Variants in RBFOX1 observed in about 807,000 individuals in gnomAD.
RBFOX1 encodes RNA binding protein fox-1 homolog 1.
A neutral mutation model predicts 57.7 loss-of-function variants in RBFOX1; 8 were observed. The observed-to-expected ratio is 0.14, with a 90% CI of 0.08 to 0.25. The LOEUF is 0.25. RBFOX1 is among the 10% of genes least tolerant of loss of function. RBFOX1 has a pLI of 1.00. For synonymous variants in RBFOX1, 326 were observed against 222.4 expected (o/e 1.47, Z -4.15); for missense variants, 611 against 548.5 (o/e 1.11, Z -1.14).
intron 1 of RBFOX1, among the ~76,000 whole-genome samples, chr16:6,201,068 G>C (rs1477261891): frequency 6.6e-6 from 1 of 151,742 alleles, no homozygotes; most frequent in African/African-American, 2.4e-5. Flanking sequence ...TTGTCTTTCT[G>C]TGTCTGGCTT....
intron 3 of RBFOX1, among the ~76,000 whole-genome samples, chr16:5,785,438 G>A (rs1211298680): frequency 1.3e-5 from 2 of 152,144 alleles, no homozygotes; most frequent in East Asian, 3.9e-4. Context: ...CATCCTTGAC[G>A]ATCCTTCCAT....
chr16:6,573,003 G>C (rs1179502272), intron 2 of RBFOX1, among the ~76,000 whole-genome samples: 1 of 152,038 alleles, frequency 6.6e-6, no homozygotes, highest in African/African-American at 2.4e-5. Flanking sequence ...GTCTAGTCAG[G>C]GATCACTCTA....
chr16:7,273,448 G>C (rs949254344), intron 4 of RBFOX1, among the ~76,000 whole-genome samples: 2 of 152,006 alleles, frequency 1.3e-5, no homozygotes, highest in African/African-American at 2.4e-5. Flanking sequence ...TTTCATTTTA[G>C]ATTCTCTCTG....
intron 3 of RBFOX1, among the ~76,000 whole-genome samples, chr16:6,726,814 G>C (rs2067294092): frequency 6.6e-6 from 1 of 151,854 alleles, no homozygotes; most frequent in African/African-American, 2.4e-5. Context: ...TAATATATCT[G>C]GCTAGTTTTA....
intron 4 of RBFOX1, among the ~76,000 whole-genome samples, chr16:7,272,210 G>C (rs1004979784): frequency 6.6e-6 from 1 of 152,092 alleles, no homozygotes; most frequent in Non-Finnish European, 1.5e-5. Context: ...TTGAGAAAGA[G>C]TCTCGCTCTG....
intron 3 of RBFOX1, among the ~76,000 whole-genome samples, chr16:6,893,817 A>G (rs1300280093): frequency 6.6e-6 from 1 of 152,202 alleles, no homozygotes; most frequent in South Asian, 2.1e-4. Flanking sequence ...ATAATCACTA[A>G]TAAAAATATG....
At chr16:7,525,004 C>A (rs1246085342) in intron 5 of RBFOX1, among the ~76,000 whole-genome samples, 2 of 152,140 alleles carry the variant, frequency 1.3e-5, no homozygotes, top group Non-Finnish European at 1.5e-5. Flanking sequence ...TGTCCTAATA[C>A]CCACAACCCA....
chr16:7,545,135 C>T (rs1284010705), intron 5 of RBFOX1, among the ~76,000 whole-genome samples: 2 of 152,282 alleles, frequency 1.3e-5, no homozygotes, highest in East Asian at 3.9e-4. Context: ...GGTCCCTCTG[C>T]CTTGCTGAGC....
chr16:5,363,851 G>A (rs1477270751), intron 1 of RBFOX1, among the ~76,000 whole-genome samples: 1 of 152,190 alleles, frequency 6.6e-6, no homozygotes, highest in African/African-American at 2.4e-5. Flanking sequence ...GTGCATGGCT[G>A]TTCCTGTCTA....
chr16:6,574,338 C>T (rs529712321), intron 2 of RBFOX1, among the ~76,000 whole-genome samples: 9 of 151,834 alleles, frequency 5.9e-5, no homozygotes, highest in Non-Finnish European at 1.3e-4. Flanking sequence ...GAGTTCTCTG[C>T]CTGTGCGTCA....
At chr16:6,140,044 C>G (rs188727642) in intron 1 of RBFOX1, among the ~76,000 whole-genome samples, 3 of 152,258 alleles carry the variant, frequency 2.0e-5, no homozygotes, top group African/African-American at 7.2e-5. Context: ...CTTCTCCCCA[C>G]GTTTTCCCTT....
intron 1 of RBFOX1, among the ~76,000 whole-genome samples, chr16:5,352,389 A>T (rs759184290): frequency 1.8e-4 from 27 of 152,130 alleles, no homozygotes; most frequent in Admixed American, 7.2e-4. Flanking sequence ...AATAATTTCA[A>T]ACCTGCAGAA....
chr16:5,795,504 T>C (rs957489422), intron 3 of RBFOX1, among the ~76,000 whole-genome samples: 1 of 152,062 alleles, frequency 6.6e-6, no homozygotes, highest in Admixed American at 6.5e-5. Context: ...GGTATTGCTA[T>C]GGTTGTGAAT....
chr16:5,776,636 A>C (rs2151692448), intron 3 of RBFOX1, among the ~76,000 whole-genome samples: 1 of 152,386 alleles, frequency 6.6e-6, no homozygotes. Context: ...TTCATCATAA[A>C]GCAATGGTGT....
rs1444471753 is a variant in RBFOX1, at chr16:5,315,362, T to A, written c.219+75257T>A. On this transcript the variant is annotated intron_variant, in intron 1 of 2. Coordinates refer to the RBFOX1 transcript ENST00000585867. ...GGCCACGTAATCACCGGTGATTAAA[T>A]GGAGACAGGGATGTGCTTAGAATTC... 2.0e-5 allele frequency among the ~76,000 whole-genome samples: 3 copies of A among 152,212 alleles called. No individual in the cohort carries two copies. In the South Asian group the frequency reaches 6.2e-4, roughly 31 times the overall value.
intron 2 of RBFOX1, among the ~76,000 whole-genome samples, chr16:6,324,342 G>C (rs942993145): frequency 7.2e-5 from 11 of 152,162 alleles, no homozygotes; most frequent in African/African-American, 1.9e-4. Context: ...TTGCTATAAA[G>C]AGATACCTGA....
In RBFOX1 at chr16:5,461,498, A is replaced by G. The variant is rs191274613; in HGVS notation, c.220-5718A>G. Among the ~76,000 whole-genome samples the G allele has an allele frequency of 1.4e-3, 211 of 152,246 alleles. 2 individuals are homozygous for G. The highest frequency in any genetic ancestry group is 4.8e-3 in the African/African-American group (201 of 41,548). The stretch of plus-strand genomic sequence containing the variant: ...ACTTTGGGCCCTGCAGCTGCAACCA[A>G]CCAGGCTCTGATGAAAGTTTCATGC... On this transcript the variant is annotated intron_variant, in intron 1 of 2. Transcript: ENST00000585867.
At position 5,456,106 on chromosome 16, in the gene RBFOX1, A is replaced by AT. The variant is rs201155466; in HGVS notation, c.220-11103dup. 1.6e-3 allele frequency among the ~76,000 whole-genome samples: 249 copies of AT among 152,076 alleles called. 1 individual carries two copies. The highest frequency in any genetic ancestry group is 2.1e-3 in the South Asian group (10 of 4,802). On this transcript the variant is annotated intron_variant, in intron 1 of 2. Transcript: ENST00000585867. ...TAATGATAATATTATGGCATATATC[A>AT]TTTTTTTAAAAAAAAAACGTGCTTA...
chr16:7,170,130 A>G (rs1291454908), intron 4 of RBFOX1, among the ~76,000 whole-genome samples: 1 of 152,194 alleles, frequency 6.6e-6, no homozygotes, highest in Non-Finnish European at 1.5e-5. Flanking sequence ...TAATTAATAT[A>G]TCTTATGTTT....
Sources: allele counts gnomAD v4.1 joint callset (sites outside exome capture counted in the v4.1 genomes callset), GRCh38; gene constraint gnomAD v4.1.1; transcripts MANE v1.5; gene names NCBI Gene and HGNC (gene_info 2026-07-23, HGNC 2026-07-21).